The following GSAP variants were observed in gnomAD, a reference collection of about 807,000 sequenced individuals.
GSAP encodes gamma-secretase activating protein, also known as gamma-secretase-activating protein.
In GSAP, 118 loss-of-function variants were observed where a neutral mutation model predicts 131.7. That is an observed-to-expected ratio of 0.90 (90% CI 0.77 to 1.04). The LOEUF (loss-of-function observed/expected upper bound fraction) is 1.04. GSAP is among the 50% of genes least tolerant of loss of function. GSAP has a pLI of 0.00. For synonymous variants in GSAP, 381 were observed against 363.4 expected, an observed-to-expected ratio of 1.05 and a Z score of -0.55; for missense variants, 1,019 against 1,013.2, an observed-to-expected ratio of 1.01 and a Z score of -0.08.
chr7:77,404,700 C>A (rs1583910032), intron 2 of GSAP, 85 bp from the exon 3 acceptor site: 1 of 759,802 alleles, frequency 1.3e-6, no homozygotes, highest in East Asian at 3.3e-5. Context: ...CCTGCAATAA[C>A]TCAATCTTAG....
chr7:77,340,821 G>A (rs560180516), intron 19 of GSAP, among the ~76,000 whole-genome samples: 1 of 152,136 alleles, frequency 6.6e-6, no homozygotes, highest in African/African-American at 2.4e-5. Context: ...GCCTGCTTTG[G>A]CTGCTCACCC....
chr7:77,325,594 G>A (rs926500934), intron 23 of GSAP, among the ~76,000 whole-genome samples: 12 of 152,040 alleles, frequency 7.9e-5, no homozygotes, highest in Non-Finnish European at 1.5e-4. Context: ...TTTCTGAGAC[G>A]GAGTCTCCCT....
intron 1 of GSAP, among the ~76,000 whole-genome samples, chr7:77,408,216 T>C (rs2151199355): frequency 1.3e-5 from 2 of 152,332 alleles, no homozygotes; most frequent in South Asian, 4.1e-4. Context: ...GAAAGCCCTA[T>C]TTTGCTGAAG....
Position 77,416,232 on chromosome 7 carries a change from C to T in GSAP, c.90G>A (p.Gly30=), listed in dbSNP as rs993479578. Residue 30 remains glycine, a synonymous_variant, in exon 1 of 31, where the codon GGG becomes GGA. Transcript: ENST00000257626. ...CCGCACCTGCGCCGCCGCTTCCGGC[C>T]CCGCTGGCCTCCGACACTGCCCGCT... is the stretch of plus-strand genomic sequence containing the variant. ...RAQRAVSEAS[G]AGSGGADVLE... is the part of the protein sequence containing the mutation. 9.7e-5 allele frequency: 143 copies of T among 1,476,006 alleles called. No homozygotes were observed. Among genetic ancestry groups the T allele is most frequent in the Middle Eastern group, 2.4e-4 (1 of 4,192 alleles). 91.4% of individuals were successfully genotyped at this position (1,476,006 alleles called of 1,614,324 possible). A position where few individuals can be genotyped will look rare whatever the true frequency, so the allele number is the denominator to read the frequency against.
rs73703345 is a variant in GSAP at position 77,403,379 on chromosome 7, G to A, written c.243+1180C>T. The stretch of plus-strand genomic sequence containing the variant: ...GGGAAGAGAGAATTAACCAAGCAGC[G>A]TATTGGAACCCTGAAGAGTAAGGTG... On this transcript the variant is annotated intron_variant, in intron 3 of 30. Transcript: ENST00000257626. Among the ~76,000 whole-genome samples, 425 of 152,236 alleles carry A rather than the reference G, an allele frequency of 2.8e-3. 1 individual carries two copies. The highest frequency in any genetic ancestry group is 9.7e-3 in the African/African-American group (403 of 41,540).
Position 77,374,656 on chromosome 7 carries a change from A to C in GSAP, c.785+402T>G, listed in dbSNP as rs1796591174. The stretch of plus-strand genomic sequence containing the variant: ...GTAAAAAGGAAAACAGAAAAAAAAA[A>C]AAACCAATTAATTCAGCTGAGCTAC... On this transcript the variant is annotated intron_variant, in intron 11 of 30. Coordinates refer to ENST00000257626, the MANE Select transcript of GSAP (RefSeq NM_017439.4). Among the ~76,000 whole-genome samples, 2 of 152,172 alleles carry C rather than the reference A, an allele frequency of 1.3e-5. 1 individual carries two copies. Among genetic ancestry groups the C allele is most frequent in the South Asian group, 4.1e-4 (2 of 4,834 alleles).
At chr7:77,365,906 T>G (rs898454448) in intron 12 of GSAP, among the ~76,000 whole-genome samples, 2 of 149,338 alleles carry the variant, frequency 1.3e-5, no homozygotes, top group African/African-American at 2.4e-5. Flanking sequence ...GGGTTTTTTT[T>G]TTTTTTTTTT....
At chr7:77,337,305 G>GGGGGGGT (rs1790159340) in intron 19 of GSAP, among the ~76,000 whole-genome samples, 2 of 143,802 alleles carry the variant, frequency 1.4e-5, no homozygotes, top group African/African-American at 5.4e-5. Context: ...GTGGGGTGGG[G>GGGGGGGT]GGGGGGTTAC....
intron 12 of GSAP, among the ~76,000 whole-genome samples, chr7:77,367,759 G>A (rs923205628): frequency 1.3e-5 from 2 of 152,158 alleles, no homozygotes; most frequent in Non-Finnish European, 2.9e-5. Context: ...TTTTTTGAAA[G>A]GGTTTCAGTA....
chr7:77,338,851 C>G lies in GSAP; in HGVS notation c.1546-8484G>C, dbSNP rs547511042. ...TATTAAACATTTGTATAGTGTTCCA[C>G]TTTATACTAAAAGGAAGTGCTTCAG... On this transcript the variant is annotated intron_variant, in intron 19 of 30. Transcript: ENST00000257626. Among the ~76,000 whole-genome samples the G allele has an allele frequency of 2.0e-5, 3 of 152,300 alleles. No individual in the cohort carries two copies. The South Asian group carries it at 6.2e-4, about 32-fold the overall frequency.
intron 3 of GSAP, among the ~76,000 whole-genome samples, chr7:77,401,499 A>AT (rs1456056283): frequency 6.6e-6 from 1 of 152,070 alleles, no homozygotes; most frequent in Non-Finnish European, 1.5e-5. Flanking sequence ...ACTTGGCAAA[A>AT]TTATCCTTCA....
intron 28 of GSAP, 39 bp downstream of exon 28, chr7:77,313,449 C>CA (rs1372647503): frequency 8.1e-6 from 9 of 1,114,810 alleles, no homozygotes; most frequent in Non-Finnish European, 1.2e-5. Flanking sequence ...AGGGTAATGC[C>CA]AAAGCTTAGG....
In GSAP at chr7:77,310,972, T is replaced by A. The variant is rs1439013754; in HGVS notation, c.*386A>T. 1 of 162,274 alleles carries A rather than the reference T, an allele frequency of 6.2e-6. No homozygotes were observed. The highest frequency in any genetic ancestry group is 1.7e-4 in the East Asian group (1 of 5,822). The allele number at this position is 162,274 out of a possible 1,614,324, so 10.1% of individuals were successfully genotyped here. A position where few individuals can be genotyped will look rare whatever the true frequency, so the allele number is the denominator to read the frequency against. On this transcript the variant is annotated 3_prime_UTR_variant, in exon 31 of 31. Transcript: ENST00000257626. ...AGTGTTCTTATGTAACATTTAATTTTTATGCCTATTATTTCAATGACACAC... is the reference window on the plus strand; with the variant it reads ...AGTGTTCTTATGTAACATTTAATTTATATGCCTATTATTTCAATGACACAC...
Position 77,313,478 on chromosome 7 carries a change from T to A in GSAP, c.2271+10A>T. 6.9e-7 allele frequency: 1 copy of A among 1,455,976 alleles called. No homozygotes were observed. Among genetic ancestry groups the A allele is most frequent in the Non-Finnish European group, 9.6e-7 (1 of 1,039,334 alleles). The allele number at this position is 1,455,976 out of a possible 1,614,324, so 90.2% of individuals were successfully genotyped here. ...GCTTAGGGAGAAAATAAAATGTAAC[T>A]CAGTATTACCGGAGGAAGCCGCACA... On this transcript the variant is annotated intron_variant, in intron 28 of 30. Coordinates refer to ENST00000257626, the MANE Select transcript of GSAP (RefSeq NM_017439.4).
chr7:77,406,865 A>G (rs1422593877), intron 1 of GSAP, among the ~76,000 whole-genome samples: 4 of 152,220 alleles, frequency 2.6e-5, no homozygotes, highest in African/African-American at 9.6e-5. Context: ...GGAGTAGAGA[A>G]AAAACAGTCT....
intron 19 of GSAP, among the ~76,000 whole-genome samples, chr7:77,347,525 TGA>T (rs1052867239): frequency 1.3e-5 from 2 of 152,136 alleles, no homozygotes; most frequent in Non-Finnish European, 2.9e-5. Flanking sequence ...TGTTGCAGTG[TGA>T]GAGAGAGGGA....
intron 21 of GSAP, 68 bp from the exon 22 acceptor site, chr7:77,328,705 C>A: frequency 2.2e-6 from 2 of 893,916 alleles, no homozygotes; most frequent in South Asian, 1.4e-5. Context: ...CCACATCATA[C>A]AAAGATATCC....
intron 19 of GSAP, among the ~76,000 whole-genome samples, chr7:77,334,579 TTAAAAAAAA>T (rs1371421722): frequency 6.1e-5 from 5 of 82,386 alleles, no homozygotes; most frequent in South Asian, 4.7e-4. Context: ...AACTTAAAAT[TTAAAAAAAA>T]AAAAAAAAAA....
intron 23 of GSAP, among the ~76,000 whole-genome samples, chr7:77,324,826 C>CTTT (rs150930764): frequency 5.2e-4 from 51 of 97,290 alleles, no homozygotes; most frequent in African/African-American, 8.3e-4. Context: ...GTTTGCCATA[C>CTTT]TTTTTTTTTT....
Sources: allele counts gnomAD v4.1 joint callset (sites outside exome capture counted in the v4.1 genomes callset), GRCh38; gene constraint gnomAD v4.1.1; transcripts MANE v1.5; gene names NCBI Gene and HGNC (gene_info 2026-07-23, HGNC 2026-07-21).